The following DNAH1 variants were observed in gnomAD, a reference collection of about 807,000 sequenced individuals.
DNAH1 encodes dynein axonemal heavy chain 1.
Under a neutral mutation model 484.3 loss-of-function variants are expected in DNAH1, and 327 were observed. That is an observed-to-expected ratio of 0.68 (90% confidence interval 0.62 to 0.74). The LOEUF is 0.74. DNAH1 is among the 30% of genes least tolerant of loss of function. The pLI, the probability that DNAH1 is intolerant of heterozygous loss-of-function variation, is 0.00. For missense variants in DNAH1, 5,052 were observed against 5,546.8 expected (o/e 0.91, Z 2.83); for synonymous variants, 2,192 against 2,191.9 (o/e 1.00, Z 0.00).
Position 52,372,926 on chromosome 3 carries a change from G to A in DNAH1, c.6858G>A (p.Gly2286=). The A allele has an allele frequency of 6.2e-7, 1 of 1,613,660 alleles. No individual in the cohort carries two copies. Among genetic ancestry groups the A allele is most frequent in the South Asian group, 1.1e-5 (1 of 91,066 alleles). The change falls in exon 44 of 78, where the codon GGG becomes GGA. Residue 2286 remains glycine, a synonymous_variant. Coordinates refer to ENST00000420323, the MANE Select transcript of DNAH1 (RefSeq NM_015512.5). ...RRKGVFGPPL[G]RNFIFFIDDL... ...AGGGTGTGTTTGGACCACCTCTGGG[G>A]CGCAACTTTATCTTCTTCATCGATG...
In DNAH1 at chr3:52,398,426, C is replaced by T. The variant is rs578063477; in HGVS notation, c.12089+264C>T. ...CTTCCTGAATAGCTGGGACTATAGG[C>T]GCACACCACCTAATTAGCGCGCCCA... On this transcript the variant is annotated intron_variant, in intron 75 of 77. Coordinates refer to ENST00000420323, the MANE Select transcript of DNAH1 (RefSeq NM_015512.5). Among the ~76,000 whole-genome samples the T allele has an allele frequency of 5.3e-5, 8 of 152,268 alleles. No homozygotes were observed. The South Asian group carries it at 1.2e-3, about 24-fold the overall frequency.
chr3:52,372,471 A>C, intron 43 of DNAH1, 84 bp downstream of exon 43: 23 of 1,542,076 alleles, frequency 1.5e-5, no homozygotes, highest in East Asian at 2.3e-5. Context: ...CCACCAAATT[A>C]TGCTCCTGGG....
intron 17 of DNAH1, 151 bp from the exon 18 acceptor site, chr3:52,352,401 T>C (rs1702421994): frequency 1.7e-6 from 2 of 1,143,978 alleles, no homozygotes; most frequent in African/African-American, 1.6e-5. Context: ...CTGGCTTTGC[T>C]GTGAGGAACC....
At position 52,383,986 on chromosome 3, in the gene DNAH1, T is replaced by C. The variant is rs1164670766; in HGVS notation, c.8277T>C (p.Asn2759=). The part of the protein sequence containing the change: ...ALKSVATVFL[N]EIPELESSQE... ...AGTCTGTGGCCACCGTGTTCCTCAA[T>C]GAGATCCCAGAACTGGAATCCTCCC... The change falls in exon 52 of 78, where the codon AAT becomes AAC. Residue 2759 remains asparagine (N), a synonymous_variant. Transcript: ENST00000420323. 2.5e-6 allele frequency: 4 copies of C among 1,610,394 alleles called. No individual in the cohort carries two copies. The highest frequency in any genetic ancestry group is 3.4e-6 in the Non-Finnish European group (4 of 1,178,178).
Position 52,385,572 on chromosome 3 carries a change from C to T in DNAH1, c.8625+125C>T, listed in dbSNP as rs1454375233. On this transcript the variant is annotated intron_variant, in intron 54 of 77. Transcript: ENST00000420323. ...ATCTGGCCTCCGTGTGCCCCAGCTT[C>T]CTCAATCAGTAGCCATCCATTTTGT... 5 of 726,312 alleles carry T rather than the reference C, an allele frequency of 6.9e-6. No homozygotes were observed. In the East Asian group the frequency reaches 1.1e-4, roughly 16 times the overall value. 45.0% of individuals were successfully genotyped at this position (726,312 alleles called of 1,614,324 possible).
chr3:52,326,934 G>C (rs1001391090), intron 5 of DNAH1, 43 bp downstream of exon 5: 29 of 1,590,798 alleles, frequency 1.8e-5, no homozygotes, highest in Non-Finnish European at 2.4e-5. Context: ...AGGGGCAGAA[G>C]TGCAGGACCC....
At chr3:52,344,987 G>A (rs1702087174) in intron 9 of DNAH1, among the ~76,000 whole-genome samples, 1 of 152,206 alleles carries the variant, frequency 6.6e-6, no homozygotes, top group Admixed American at 6.5e-5. Context: ...AGCAAGAGAG[G>A]AGACCGAGTC....
intron 2 of DNAH1, 111 bp from the exon 3 acceptor site, chr3:52,323,697 G>T (rs1701231962): frequency 1.4e-6 from 1 of 708,270 alleles, no homozygotes; most frequent in South Asian, 1.8e-5. Context: ...TGTGCTCCTG[G>T]AGTGCTCCCT....
rs767187825 is a variant in DNAH1, at chr3:52,372,071, C to T, written c.6651C>T (p.Leu2217=). ...TGTCCCATTTACTGGACATGCTGCTCACCAACAAGAAGCCCGTGAGCACCC... is the reference window on the plus strand; with the variant it reads ...TGTCCCATTTACTGGACATGCTGCTTACCAACAAGAAGCCCGTGAGCACCC... ...VQMSHLLDML[L]TNKKPVLCIG... Residue 2217 remains leucine, a synonymous_variant, in exon 42 of 78, where the codon CTC becomes CTT. Coordinates refer to ENST00000420323, the MANE Select transcript of DNAH1 (RefSeq NM_015512.5). 1.9e-6 allele frequency: 3 copies of T among 1,613,652 alleles called. No homozygotes were observed. The highest frequency in any genetic ancestry group is 2.2e-5 in the South Asian group (2 of 91,066).
chr3:52,373,656 G>A lies in DNAH1; in HGVS notation c.6985+603G>A, dbSNP rs1484589694. ...TCAAAAACTACCATCCTTAAAAGAT[G>A]TTCCTCCTGCTGATCAAAAGAAGTT... On this transcript the variant is annotated intron_variant, in intron 44 of 77. Coordinates refer to ENST00000420323, the MANE Select transcript of DNAH1 (RefSeq NM_015512.5). 43 of 1,405,732 alleles carry A rather than the reference G, an allele frequency of 3.1e-5. No homozygotes were observed. The Admixed American group carries it at 6.6e-4, about 22-fold the overall frequency. The allele number at this position is 1,405,732 out of a possible 1,614,324, so 87.1% of individuals were successfully genotyped here.
At chr3:52,386,481 G>A in intron 55 of DNAH1, 136 bp downstream of exon 55, 1 of 1,346,752 alleles carries the variant, frequency 7.4e-7, no homozygotes, top group Non-Finnish European at 9.9e-7. Context: ...TAGGAGCATG[G>A]GCACCTGGGT....
intron 2 of DNAH1, 99 bp downstream of exon 2, chr3:52,322,874 C>A: frequency 9.5e-7 from 1 of 1,056,124 alleles, no homozygotes; most frequent in South Asian, 1.4e-5. Context: ...TCCATCTGTT[C>A]ATTTAGCTGT....
intron 1 of DNAH1, among the ~76,000 whole-genome samples, chr3:52,321,946 A>G (rs1218207205): frequency 6.6e-6 from 1 of 152,170 alleles, no homozygotes; most frequent in Non-Finnish European, 1.5e-5. Flanking sequence ...GGGAAAAGGT[A>G]GGGAAGTCTA....
rs202165132 is a variant in DNAH1, at chr3:52,398,091, A to G, written c.12018A>G (p.Gln4006=). The change falls in exon 75 of 78, where the codon CAA becomes CAG. Residue 4006 remains glutamine, a synonymous_variant. Transcript: ENST00000420323. ...AGGTGCCTGAGCCTATCAACTTGCA[A>G]TGGGTGATGGCCAAGTACCCAGTGC... ...LLKVPEPINL[Q]WVMAKYPVLY... 390 of 1,613,894 alleles carry G rather than the reference A, an allele frequency of 2.4e-4. No individual in the cohort carries two copies. The highest frequency in any genetic ancestry group is 3.2e-4 in the Non-Finnish European group (372 of 1,179,872).
chr3:52,392,869 G>A lies in DNAH1; in HGVS notation c.10318G>A (p.Asp3440Asn), dbSNP rs376059846. 1.3e-4 allele frequency: 203 copies of A among 1,604,692 alleles called. No homozygotes were observed. The highest frequency in any genetic ancestry group is 1.2e-3 in the Middle Eastern group (7 of 6,044). The change falls in exon 65 of 78, where the codon GAC becomes AAC. Residue 3440 changes from aspartate (D) to asparagine (N), a missense_variant. By Grantham distance (23) the Asp-to-Asn change is conservative. Transcript: ENST00000420323. ...TGCAGAGCAGACGGAGAAGGACATC[G>A]ACCTGACGCGCATGGAGTACATACC... ...RIAEQTEKDI[D>N]LTRMEYIPVA...
At position 52,395,247 on chromosome 3, in the gene DNAH1, TCC is replaced by T; in HGVS notation, c.10969-59_10969-58del. 1.3e-6 allele frequency: 2 copies of T among 1,566,930 alleles called. No individual in the cohort carries two copies. The highest frequency in any genetic ancestry group is 1.7e-6 in the Non-Finnish European group (2 of 1,152,978). On this transcript the variant is annotated intron_variant, in intron 68 of 77. Coordinates refer to ENST00000420323, the MANE Select transcript of DNAH1 (RefSeq NM_015512.5). The surrounding 1 kb of genome is among the most constrained non-coding windows in gnomAD (Gnocchi z 4.4). ...CCACTCTGAGAACCCCAGATCCCCC[TCC>T]CTTGCCCCGATCTCTCTGCAGCCCC...
intron 7 of DNAH1, among the ~76,000 whole-genome samples, chr3:52,331,619 CTTT>C (rs36097098): frequency 9.0e-6 from 1 of 111,344 alleles, no homozygotes; most frequent in African/African-American, 3.1e-5. Context: ...AAATACTTTT[CTTT>C]TTTTTTTTTT....
chr3:52,374,184 A>T, intron 44 of DNAH1: 1 of 1,299,338 alleles, frequency 7.7e-7, no homozygotes, highest in Non-Finnish European at 1.1e-6. Flanking sequence ...AATATATTTT[A>T]TAGGTTTATT....
intron 50 of DNAH1, 124 bp downstream of exon 50, chr3:52,382,579 G>C (rs1023227709): frequency 1.4e-6 from 2 of 1,450,106 alleles, no homozygotes; most frequent in Admixed American, 2.2e-5. Flanking sequence ...TCTCAGAAGA[G>C]ACCACCAGGA....
Sources: gnomAD v4.1 joint callset for allele counts (sites outside exome capture counted in the v4.1 genomes callset) on GRCh38, gnomAD v4.1.1 for gene constraint, Gnocchi (gnomAD v3.1) non-coding constraint, MANE v1.5 for transcripts, NCBI Gene and HGNC (gene_info 2026-07-23, HGNC 2026-07-21) for gene names.